Variants in LDLRAD4 observed in about 807,000 individuals in gnomAD.
The protein encoded by LDLRAD4 is low density lipoprotein receptor class A domain containing 4, also known as low-density lipoprotein receptor class A domain-containing protein 4.
LDLRAD4 carries 5 observed loss-of-function variants against 17.0 expected under a neutral mutation model. That is an observed-to-expected ratio of 0.29 (90% CI 0.15 to 0.62). The LOEUF (loss-of-function observed/expected upper bound fraction) is 0.62. LDLRAD4 is among the 20% of genes least tolerant of loss of function. The pLI, the probability that LDLRAD4 is intolerant of heterozygous loss-of-function variation, is 0.84. For missense variants in LDLRAD4, 340 were observed against 424.7 expected, an observed-to-expected ratio of 0.80 and a Z score of 1.75; for synonymous variants, 168 against 171.8, an observed-to-expected ratio of 0.98 and a Z score of 0.17.
At chr18:13,634,846 A>C (rs1601838809) in intron 4 of LDLRAD4, among the ~76,000 whole-genome samples, 2 of 152,082 alleles carry the variant, frequency 1.3e-5, no homozygotes, top group South Asian at 4.1e-4. Flanking sequence ...ACAAAGCTGT[A>C]GTAAGTTTTG....
intron 3 of LDLRAD4, among the ~76,000 whole-genome samples, chr18:13,571,876 T>C (rs1056755910): frequency 1.3e-5 from 2 of 152,178 alleles, no homozygotes; most frequent in Non-Finnish European, 2.9e-5. Context: ...GACCTCGTGA[T>C]CCACCCGCCT....
chr18:13,540,306 A>C (rs199829190), intron 3 of LDLRAD4, among the ~76,000 whole-genome samples: 1 of 152,242 alleles, frequency 6.6e-6, no homozygotes, highest in East Asian at 1.9e-4. Flanking sequence ...CTGAAATTAA[A>C]TGGCCATTGA....
intron 1 of LDLRAD4, among the ~76,000 whole-genome samples, chr18:13,286,667 C>T (rs1311532617): frequency 6.6e-6 from 1 of 152,222 alleles, no homozygotes; most frequent in Non-Finnish European, 1.5e-5. Context: ...CTGCACTTTT[C>T]AGAGGAGACA....
At position 13,446,085 on chromosome 18, in the gene LDLRAD4, C is replaced by T. The variant is rs370938891; in HGVS notation, c.181+7701C>T. 1.6e-4 allele frequency among the ~76,000 whole-genome samples: 24 copies of T among 152,312 alleles called. 1 individual carries two copies. The South Asian group carries it at 2.1e-3, about 13-fold the overall frequency. On this transcript the variant is annotated intron_variant, in intron 3 of 5. Coordinates refer to ENST00000359446, the Ensembl canonical transcript of LDLRAD4. ...GCATCATCTATTGGAGGGTCCACTGCTTCCTGGGGATTGGAATTAGGTAGG... is the reference window on the plus strand; with the variant it reads ...GCATCATCTATTGGAGGGTCCACTGTTTCCTGGGGATTGGAATTAGGTAGG...
intron 1 of LDLRAD4, among the ~76,000 whole-genome samples, chr18:13,257,231 G>A (rs547968161): frequency 4.6e-5 from 7 of 152,304 alleles, no homozygotes; most frequent in South Asian, 4.1e-4. Context: ...GAATTGAATC[G>A]TGGAGAATAA....
rs138720278 is a variant in LDLRAD4 at position 13,348,431 on chromosome 18, A to C, written c.-382-38910A>C. ...TGTTGCTGCCCGATCATTCCTCTGG[A>C]AGTTTTGTCTCAGAGGAGTACCTGG... On this transcript the variant is annotated intron_variant, in intron 1 of 5. Coordinates refer to ENST00000359446, the Ensembl canonical transcript of LDLRAD4. 1.7e-3 allele frequency among the ~76,000 whole-genome samples: 252 copies of C among 152,226 alleles called. 2 individuals are homozygous for C. The highest frequency in any genetic ancestry group is 5.8e-3 in the African/African-American group (243 of 41,540).
chr18:13,333,828 C>T (rs1381713039), intron 1 of LDLRAD4, among the ~76,000 whole-genome samples: 1 of 152,218 alleles, frequency 6.6e-6, no homozygotes, highest in African/African-American at 2.4e-5. Flanking sequence ...GTCTTAAAGT[C>T]AGGTAGTGCT....
chr18:13,644,818 G>A (rs996875149), intron 5 of LDLRAD4: 2 of 339,726 alleles, frequency 5.9e-6, no homozygotes, highest in Admixed American at 4.6e-5. Context: ...CTGTTTCCAA[G>A]GGGAAAATGC....
chr18:13,344,466 T>A (rs1435704817), intron 1 of LDLRAD4, among the ~76,000 whole-genome samples: 1 of 152,230 alleles, frequency 6.6e-6, no homozygotes, highest in Admixed American at 6.5e-5. Flanking sequence ...ACCAGTACCA[T>A]GCTGTTTTGG....
intron 1 of LDLRAD4, among the ~76,000 whole-genome samples, chr18:13,354,167 C>T (rs769192118): frequency 6.6e-6 from 1 of 152,036 alleles, no homozygotes; most frequent in African/African-American, 2.4e-5. Context: ...CATGTTTGCA[C>T]CTGTGAGTAG....
intron 1 of LDLRAD4, among the ~76,000 whole-genome samples, chr18:13,283,879 C>T (rs925371563): frequency 2.0e-5 from 3 of 152,132 alleles, no homozygotes; most frequent in South Asian, 2.1e-4. Flanking sequence ...GCCTCAGAAT[C>T]GTGGCTGAGG....
At chr18:13,598,537 C>A (rs2095121593) in intron 3 of LDLRAD4, among the ~76,000 whole-genome samples, 1 of 152,208 alleles carries the variant, frequency 6.6e-6, no homozygotes, top group Non-Finnish European at 1.5e-5. Flanking sequence ...TTTGTTCTGA[C>A]CCCAGAAAGG....
intron 3 of LDLRAD4, among the ~76,000 whole-genome samples, chr18:13,445,294 G>A (rs2091310437): frequency 6.6e-6 from 1 of 152,078 alleles, no homozygotes; most frequent in African/African-American, 2.4e-5. Context: ...GTGTGGGACT[G>A]TGTGTGGTAT....
intron 3 of LDLRAD4, among the ~76,000 whole-genome samples, chr18:13,568,685 G>C (rs534838448): frequency 9.7e-4 from 147 of 152,304 alleles, no homozygotes; most frequent in African/African-American, 3.4e-3. Context: ...AAAAACGAGT[G>C]CACTTCACGC....
At chr18:13,370,466 C>G in intron 1 of LDLRAD4, among the ~76,000 whole-genome samples, 1 of 152,148 alleles carries the variant, frequency 6.6e-6, no homozygotes, top group East Asian at 1.9e-4. Context: ...TTCAGTTTGC[C>G]TTTATTGATT....
intron 1 of LDLRAD4, among the ~76,000 whole-genome samples, chr18:13,363,689 A>G (rs1157999579): frequency 6.6e-6 from 1 of 152,228 alleles, no homozygotes; most frequent in African/African-American, 2.4e-5. Flanking sequence ...CATTTCCATG[A>G]TAAAATATGT....
intron 1 of LDLRAD4, among the ~76,000 whole-genome samples, chr18:13,326,473 G>A (rs1178306310): frequency 6.6e-6 from 1 of 152,210 alleles, no homozygotes; most frequent in Non-Finnish European, 1.5e-5. Context: ...CTGCACCTGG[G>A]AAGCGAAGCT....
intron 1 of LDLRAD4, among the ~76,000 whole-genome samples, chr18:13,245,309 G>T (rs184414635): frequency 6.6e-6 from 1 of 152,212 alleles, no homozygotes; most frequent in Admixed American, 6.5e-5. Flanking sequence ...AGACAGGCAC[G>T]TGAGGGCAGC....
chr18:13,482,918 A>G (rs2093128640), intron 3 of LDLRAD4, among the ~76,000 whole-genome samples: 1 of 152,192 alleles, frequency 6.6e-6, no homozygotes, highest in Admixed American at 6.5e-5. Context: ...TGTGATTAAT[A>G]TAAATCCTAG....
Sources: gnomAD v4.1 joint callset for allele counts (sites outside exome capture counted in the v4.1 genomes callset) on GRCh38, gnomAD v4.1.1 for gene constraint, MANE v1.5 for transcripts, NCBI Gene and HGNC (gene_info 2026-07-23, HGNC 2026-07-21) for gene names.